The following ADAMTSL3 variants were observed in gnomAD, a reference collection of about 807,000 sequenced individuals.
ADAMTSL3 encodes ADAMTS-like protein 3.
ADAMTSL3 carries 128 observed loss-of-function variants against 201.7 expected under a neutral mutation model. The ratio of observed to expected loss-of-function variants is 0.63; its 90% confidence interval spans 0.55 to 0.73. The LOEUF (loss-of-function observed/expected upper bound fraction) is 0.73, where lower values mean the gene tolerates loss of function less well. Ranked by LOEUF, ADAMTSL3 falls within the 30% of genes least tolerant of loss-of-function variation. The pLI, the probability that ADAMTSL3 is intolerant of heterozygous loss-of-function variation, is 0.00. For synonymous variants in ADAMTSL3, 738 were observed against 748.4 expected, an observed-to-expected ratio of 0.99 and a Z score of 0.23; for missense variants, 1,990 against 2,119.6, an observed-to-expected ratio of 0.94 and a Z score of 1.20.
chr15:83,703,831 G>A (rs559480622), intron 2 of ADAMTSL3, among the ~76,000 whole-genome samples: 53 of 152,116 alleles, frequency 3.5e-4, no homozygotes, highest in African/African-American at 1.3e-3. Flanking sequence ...GCATTATGAA[G>A]AAAAAGTCTC....
At chr15:83,765,699 C>A (rs372223819) in intron 3 of ADAMTSL3, among the ~76,000 whole-genome samples, 2 of 152,064 alleles carry the variant, frequency 1.3e-5, no homozygotes, top group East Asian at 3.9e-4. Context: ...TAAACAATAT[C>A]TTTTTTGGAA....
chr15:83,779,786 C>T (rs1485958831), intron 4 of ADAMTSL3, among the ~76,000 whole-genome samples: 1 of 150,914 alleles, frequency 6.6e-6, no homozygotes, highest in Non-Finnish European at 1.5e-5. Context: ...TCACTTAAAA[C>T]CATACAATCA....
intron 3 of ADAMTSL3, chr15:83,717,414 C>T (rs533898442): frequency 6.6e-6 from 1 of 152,300 alleles, no homozygotes; most frequent in African/African-American, 2.4e-5. Context: ...ACAGTTTACT[C>T]TTCTGCTCCT....
intron 15 of ADAMTSL3, among the ~76,000 whole-genome samples, chr15:83,900,820 T>C (rs2065709141): frequency 6.6e-6 from 1 of 152,224 alleles, no homozygotes; most frequent in Non-Finnish European, 1.5e-5. Flanking sequence ...CCCCATCCCA[T>C]GTGACAAGTT....
intron 6 of ADAMTSL3, among the ~76,000 whole-genome samples, chr15:83,823,398 T>C (rs1387292581): frequency 1.3e-5 from 2 of 152,154 alleles, no homozygotes; most frequent in African/African-American, 4.8e-5. Flanking sequence ...TGCTCAAAGG[T>C]GAACCTTCAT....
chr15:83,866,048 A>T (rs1311036301), intron 8 of ADAMTSL3, among the ~76,000 whole-genome samples: 1 of 152,232 alleles, frequency 6.6e-6, no homozygotes, highest in Non-Finnish European at 1.5e-5. Flanking sequence ...TGAAATCAAA[A>T]CCATGATGAG....
intron 23 of ADAMTSL3, among the ~76,000 whole-genome samples, chr15:84,007,893 C>T (rs1460033469): frequency 6.6e-6 from 1 of 152,166 alleles, no homozygotes; most frequent in Non-Finnish European, 1.5e-5. Flanking sequence ...GCCCTGGACT[C>T]CACTTCCCTC....
At chr15:84,019,076 T>TACACACACACACAC (rs71453219) in intron 25 of ADAMTSL3, among the ~76,000 whole-genome samples, 2,081 of 139,214 alleles carry the variant, frequency 0.015, 45 homozygotes, top group East Asian at 0.026. Flanking sequence ...CACACACACA[T>TACACACACACACAC]ACACACACAC....
chr15:83,781,420 T>G (rs187562967), intron 4 of ADAMTSL3, among the ~76,000 whole-genome samples: 2 of 152,332 alleles, frequency 1.3e-5, no homozygotes, highest in Non-Finnish European at 2.9e-5. Context: ...TGCAGAAGAT[T>G]GAAACTGGAT....
chr15:83,821,993 G>GGA, intron 6 of ADAMTSL3, among the ~76,000 whole-genome samples: 1 of 145,130 alleles, frequency 6.9e-6, no homozygotes, highest in Admixed American at 6.7e-5. Context: ...CTGGCCGGGC[G>GGA]GGTTGCTGAC....
intron 23 of ADAMTSL3, among the ~76,000 whole-genome samples, chr15:84,002,834 T>C (rs992088637): frequency 6.6e-5 from 10 of 152,270 alleles, no homozygotes; most frequent in Non-Finnish European, 1.3e-4. Flanking sequence ...AGATTCCTAC[T>C]GCCAAAAGAA....
At chr15:84,000,297 A>G (rs1038187222) in intron 23 of ADAMTSL3, among the ~76,000 whole-genome samples, 2 of 152,192 alleles carry the variant, frequency 1.3e-5, no homozygotes, top group Non-Finnish European at 2.9e-5. Context: ...ACTCATATAC[A>G]ATCTTTGAAA....
intron 4 of ADAMTSL3, among the ~76,000 whole-genome samples, chr15:83,785,639 A>G (rs1418984260): frequency 6.6e-6 from 1 of 152,146 alleles, no homozygotes; most frequent in African/African-American, 2.4e-5. Context: ...ACTTTTTGGT[A>G]CAGATTTAGA....
At chr15:84,033,690 C>T (rs892352918) in intron 28 of ADAMTSL3, among the ~76,000 whole-genome samples, 15 of 151,972 alleles carry the variant, frequency 9.9e-5, no homozygotes, top group African/African-American at 2.7e-4. Flanking sequence ...AACAAAAAAA[C>T]GTGCTCAAGT....
chr15:83,748,473 C>T (rs1464780362), intron 3 of ADAMTSL3, among the ~76,000 whole-genome samples: 1 of 151,670 alleles, frequency 6.6e-6, no homozygotes, highest in East Asian at 1.9e-4. Context: ...CATGGCGAAA[C>T]CCTGTCTTTA....
intron 2 of ADAMTSL3, among the ~76,000 whole-genome samples, chr15:83,676,367 CCAAATT>C (rs1370473126): frequency 6.6e-6 from 1 of 152,086 alleles, no homozygotes; most frequent in African/African-American, 2.4e-5. Flanking sequence ...CCATCCACCT[CCAAATT>C]CATATGTTAA....
At chr15:83,810,826 C>T (rs2063683352) in intron 5 of ADAMTSL3, among the ~76,000 whole-genome samples, 1 of 152,158 alleles carries the variant, frequency 6.6e-6, no homozygotes, top group East Asian at 1.9e-4. Flanking sequence ...GAAACCTCTG[C>T]CTCCCGGGTT....
chr15:83,853,322 AT>A (rs1248186378), intron 7 of ADAMTSL3, among the ~76,000 whole-genome samples: 2 of 151,886 alleles, frequency 1.3e-5, no homozygotes, highest in East Asian at 3.9e-4. Flanking sequence ...TGTTTAGACT[AT>A]TTTTTTCTTG....
intron 15 of ADAMTSL3, among the ~76,000 whole-genome samples, chr15:83,904,636 T>C (rs1255131383): frequency 6.6e-6 from 1 of 152,262 alleles, no homozygotes; most frequent in Admixed American, 6.5e-5. Flanking sequence ...ACTGCAGTAC[T>C]GACCTTCTTA....
Sources: gnomAD v4.1 joint callset for allele counts (sites outside exome capture counted in the v4.1 genomes callset) on GRCh38, gnomAD v4.1.1 for gene constraint, MANE v1.5 for transcripts, NCBI Gene and HGNC (gene_info 2026-07-23, HGNC 2026-07-21) for gene names.